VPS13C: variants seen among roughly 807,000 people sequenced by gnomAD.
VPS13C encodes the protein intermembrane lipid transfer protein VPS13C.
A neutral mutation model predicts 456.8 loss-of-function variants in VPS13C; 358 were observed. The ratio of observed to expected loss-of-function variants is 0.78; its 90% CI spans 0.72 to 0.86. VPS13C has a LOEUF of 0.86. VPS13C is among the 40% of genes least tolerant of loss of function. The pLI is 0.00. For synonymous variants in VPS13C, 1,578 were observed against 1,486.7 expected, an observed-to-expected ratio of 1.06 and a Z score of -1.41; for missense variants, 4,818 against 4,385.4, an observed-to-expected ratio of 1.10 and a Z score of -2.79.
intron 66 of VPS13C, 169 bp downstream of exon 66, chr15:61,907,095 T>C (rs915951349): frequency 4.9e-6 from 4 of 822,344 alleles, no homozygotes; most frequent in Admixed American, 2.2e-5. Context: ...TAAGGTAATA[T>C]ACTGGTTTGA....
intron 63 of VPS13C, among the ~76,000 whole-genome samples, chr15:61,911,301 A>T (rs1377279258): frequency 6.6e-6 from 1 of 152,104 alleles, no homozygotes; most frequent in Non-Finnish European, 1.5e-5. Context: ...TTATCTTTTG[A>T]TCTATAACAC....
At chr15:61,966,568 G>C (rs759505491) in intron 29 of VPS13C, among the ~76,000 whole-genome samples, 3 of 151,796 alleles carry the variant, frequency 2.0e-5, no homozygotes, top group African/African-American at 2.4e-5. Flanking sequence ...TCTTCACATT[G>C]AGTCAAAAAT....
intron 67 of VPS13C, among the ~76,000 whole-genome samples, chr15:61,885,200 T>C (rs1896179658): frequency 6.6e-6 from 1 of 152,114 alleles, no homozygotes; most frequent in African/African-American, 2.4e-5. Context: ...AAACATTAGC[T>C]GTCTTCAAAA....
chr15:61,929,691 G>A lies in VPS13C; in HGVS notation c.6096C>T (p.Tyr2032=), dbSNP rs752089051. The A allele has an allele frequency of 6.2e-7, 1 of 1,613,598 alleles. No individual in the cohort carries two copies. The highest frequency in any genetic ancestry group is 8.5e-7 in the Non-Finnish European group (1 of 1,179,862). Residue 2032 remains tyrosine (Y), a synonymous_variant, in exon 51 of 85, where the codon TAC becomes TAT. Coordinates refer to ENST00000644861, the MANE Select transcript of VPS13C (RefSeq NM_020821.3). ...DNNSSMIDIS[Y]KQDKNGSQID... ...TTTGACTTCCATTTTTGTCTTGTTT[G>A]TAACTTATATCAATCATAGAACTGT...
rs773368257 is a variant in VPS13C, at chr15:61,972,710, C to A, written c.2672G>T (p.Ser891Ile). The part of the protein sequence containing the change: ...AEDGEPQTCK[S>I]MKGSELKKAA... ...TTTTTTAAGTTCTGATCCTTTCATA[C>A]TTTTACAAGTCTGTGGTTCTCCATC... is the stretch of plus-strand genomic sequence containing the variant. Residue 891 changes from serine (S) to isoleucine (I), a missense_variant, in exon 27 of 85, where the codon AGT becomes ATT. Ser to Ile is a moderately radical substitution (Grantham distance 142). Transcript: ENST00000644861. 2.5e-6 allele frequency: 4 copies of A among 1,613,202 alleles called. No individual in the cohort carries two copies. The highest frequency in any genetic ancestry group is 1.7e-4 in the Middle Eastern group (1 of 6,052).
chr15:62,033,929 T>C (rs1450773148), intron 4 of VPS13C, among the ~76,000 whole-genome samples: 5 of 151,552 alleles, frequency 3.3e-5, no homozygotes. Flanking sequence ...ACTGATTTTT[T>C]AAACTTTCAG....
intron 29 of VPS13C, among the ~76,000 whole-genome samples, 186 bp from the exon 30 acceptor site, chr15:61,966,328 G>A (rs1242636785): frequency 6.6e-6 from 1 of 151,574 alleles, no homozygotes. Flanking sequence ...GTGCAAATGT[G>A]TTCTCCTCTT....
chr15:61,958,420 A>T (rs796494167), intron 37 of VPS13C, among the ~76,000 whole-genome samples, 188 bp downstream of exon 37: 1 of 152,220 alleles, frequency 6.6e-6, no homozygotes, highest in African/African-American at 2.4e-5. Flanking sequence ...ACTATAACTG[A>T]CAACTTAGCT....
Position 61,855,921 on chromosome 15 carries a change from A to G in VPS13C, c.11076+365T>C, listed in dbSNP as rs569720546. On this transcript the variant is annotated intron_variant, in intron 83 of 84. Transcript: ENST00000644861. ...AGACATTTTATCAAATCACTTAATAATCTTCTAAAAACCTAAAAAGAGGGA... is the reference window on the plus strand; with the variant it reads ...AGACATTTTATCAAATCACTTAATAGTCTTCTAAAAACCTAAAAAGAGGGA... 3.3e-5 allele frequency among the ~76,000 whole-genome samples: 5 copies of G among 152,180 alleles called. No individual in the cohort carries two copies. In the East Asian group the frequency reaches 5.8e-4, roughly 18 times the overall value.
At chr15:61,942,094 G>GA (rs749585401) in intron 45 of VPS13C, 27 bp from the exon 46 acceptor site, 6 of 1,502,106 alleles carry the variant, frequency 4.0e-6, no homozygotes, top group East Asian at 4.6e-5. Flanking sequence ...ATATTTAGGG[G>GA]AAAAAAGGCA....
At chr15:62,044,139 T>G in intron 2 of VPS13C, 73 bp downstream of exon 2, 1 of 1,027,572 alleles carries the variant, frequency 9.7e-7, no homozygotes, top group Non-Finnish European at 1.4e-6. Context: ...TGGTATCAGA[T>G]GCCTAGTAGG....
intron 22 of VPS13C, among the ~76,000 whole-genome samples, chr15:61,980,183 CAAAAAAAAAAAAA>C (rs71125960): frequency 0.031 from 1,383 of 45,276 alleles, 42 homozygotes; most frequent in African/African-American, 0.087. Flanking sequence ...GACCCCATCT[CAAAAAAAAAAAAA>C]AAAAAAAAAA....
chr15:61,981,298 A>G, intron 22 of VPS13C, 44 bp downstream of exon 22: 3 of 1,538,760 alleles, frequency 1.9e-6, no homozygotes, highest in Non-Finnish European at 2.6e-6. Flanking sequence ...TTAGCTAGCA[A>G]GCAGGTCAAA....
At chr15:61,989,363 T>C (rs569709900) in intron 18 of VPS13C, among the ~76,000 whole-genome samples, 1 of 151,842 alleles carries the variant, frequency 6.6e-6, no homozygotes, top group South Asian at 2.1e-4. Context: ...ATCGTGCCAC[T>C]GCACTCCTGC....
intron 31 of VPS13C, among the ~76,000 whole-genome samples, 175 bp from the exon 32 acceptor site, chr15:61,964,126 T>A (rs2045305740): frequency 6.6e-6 from 1 of 152,128 alleles, no homozygotes; most frequent in Admixed American, 6.6e-5. Flanking sequence ...AAGTTTGCAT[T>A]TTTAATAGTG....
At chr15:61,961,982 T>A (rs1019404829) in intron 34 of VPS13C, 89 bp from the exon 35 acceptor site, 28 of 1,339,162 alleles carry the variant, frequency 2.1e-5, no homozygotes, top group Non-Finnish European at 2.5e-5. Flanking sequence ...ATGTGGTAAC[T>A]TTTTTTTTCC....
chr15:61,950,320 A>G (rs2044743399), intron 41 of VPS13C, 38 bp downstream of exon 41: 1 of 1,514,818 alleles, frequency 6.6e-7, no homozygotes, highest in Admixed American at 1.7e-5. Flanking sequence ...GATATAATCA[A>G]CACAACCCAA....
At chr15:61,902,179 T>G (rs1425149931) in intron 66 of VPS13C, among the ~76,000 whole-genome samples, 1 of 150,578 alleles carries the variant, frequency 6.6e-6, no homozygotes, top group Non-Finnish European at 1.5e-5. Flanking sequence ...AGTTAGTGGG[T>G]GCAGCGCACC....
chr15:62,038,759 GA>G (rs1279755032), intron 3 of VPS13C, among the ~76,000 whole-genome samples: 1 of 151,470 alleles, frequency 6.6e-6, no homozygotes, highest in African/African-American at 2.4e-5. Flanking sequence ...AACTGAACAA[GA>G]AAAAAACAAC....
Sources: gnomAD v4.1 joint callset for allele counts (sites outside exome capture counted in the v4.1 genomes callset) on GRCh38, gnomAD v4.1.1 for gene constraint, MANE v1.5 for transcripts, NCBI Gene and HGNC (gene_info 2026-07-23, HGNC 2026-07-21) for gene names.